The following OSBPL10 variants were observed in gnomAD, a reference collection of about 807,000 sequenced individuals.
OSBPL10 encodes the protein oxysterol-binding protein-related protein 10.
Under a neutral mutation model 81.7 loss-of-function variants are expected in OSBPL10, and 49 were observed. That is an observed-to-expected ratio of 0.60 (90% CI 0.48 to 0.76). The LOEUF (loss-of-function observed/expected upper bound fraction) is 0.76. Ranked by LOEUF, OSBPL10 falls within the 30% of genes least tolerant of loss-of-function variation. OSBPL10 has a pLI of 0.00. For synonymous variants in OSBPL10, 419 were observed against 383.6 expected (o/e 1.09, Z -1.08); for missense variants, 923 against 987.8 (o/e 0.93, Z 0.88).
At chr3:32,023,357 A>G (rs1382712450) in intron 2 of OSBPL10, among the ~76,000 whole-genome samples, 1 of 151,970 alleles carries the variant, frequency 6.6e-6, no homozygotes, top group East Asian at 1.9e-4. Context: ...CTGCCATGTA[A>G]GATGTCCGTG....
At chr3:32,023,799 T>C (rs1699379076) in intron 2 of OSBPL10, among the ~76,000 whole-genome samples, 1 of 152,242 alleles carries the variant, frequency 6.6e-6, no homozygotes. Context: ...TACAGAACCC[T>C]ATACATTCTA....
intron 3 of OSBPL10, among the ~76,000 whole-genome samples, chr3:31,837,209 T>C (rs1181735728): frequency 6.6e-6 from 1 of 151,794 alleles, no homozygotes; most frequent in Non-Finnish European, 1.5e-5. Flanking sequence ...CACATTTTTA[T>C]CTTTCTTCTT....
At chr3:31,841,289 A>T (rs990387711) in intron 3 of OSBPL10, among the ~76,000 whole-genome samples, 6 of 152,348 alleles carry the variant, frequency 3.9e-5, no homozygotes, top group Admixed American at 3.9e-4. Flanking sequence ...GGACTTGAGT[A>T]AACAGAGCCA....
At position 31,804,112 on chromosome 3, in the gene OSBPL10, C is replaced by G. The variant is rs116670243; in HGVS notation, c.729+25928G>C. Among the ~76,000 whole-genome samples the G allele has an allele frequency of 4.6e-3, 698 of 152,210 alleles. 3 individuals carry two copies. Among genetic ancestry groups the G allele is most frequent in the African/African-American group, 0.016 (664 of 41,544 alleles). ...AACAATCATTACTATGATGTTTGCT[C>G]AATGGTGATCTTTCATTTCCCTCAT... On this transcript the variant is annotated intron_variant, in intron 4 of 11. Transcript: ENST00000396556.
rs1246864079 is a variant in OSBPL10, at chr3:31,853,671, CA to C, written c.537+22761del. On this transcript the variant is annotated intron_variant, in intron 3 of 11. Coordinates refer to ENST00000396556, the MANE Select transcript of OSBPL10 (RefSeq NM_017784.5). ...TCATTTTCCTACTTATTATTATTCA[CA>C]CAGTTTTTCTTCTCTTCTTGGGCTG... Among the ~76,000 whole-genome samples, 4 of 152,312 alleles carry C rather than the reference CA, an allele frequency of 2.6e-5. No individual in the cohort carries two copies. In the East Asian group the frequency reaches 7.7e-4, roughly 29 times the overall value.
chr3:31,741,507 T>A (rs1320186722), intron 5 of OSBPL10, among the ~76,000 whole-genome samples: 1 of 152,192 alleles, frequency 6.6e-6, no homozygotes, highest in African/African-American at 2.4e-5. Context: ...TCGTGATCCA[T>A]CCACCTTGGC....
At chr3:31,759,126 G>A (rs1299860702) in intron 4 of OSBPL10, among the ~76,000 whole-genome samples, 2 of 152,082 alleles carry the variant, frequency 1.3e-5, no homozygotes, top group African/African-American at 4.8e-5. Flanking sequence ...ATGTAAACAT[G>A]TTGGTAACAA....
chr3:32,052,650 G>T (rs951127891), intron 1 of OSBPL10, among the ~76,000 whole-genome samples: 4 of 152,168 alleles, frequency 2.6e-5, no homozygotes, highest in Non-Finnish European at 5.9e-5. Flanking sequence ...CATGCCCTTT[G>T]CAGGGACATG....
At chr3:32,035,434 C>T (rs1054659645) in intron 2 of OSBPL10, among the ~76,000 whole-genome samples, 3 of 151,720 alleles carry the variant, frequency 2.0e-5, no homozygotes, top group East Asian at 1.9e-4. Flanking sequence ...TGGTGGTGCA[C>T]GCCTGTAATC....
At chr3:31,897,859 T>G (rs1696101188) in intron 1 of OSBPL10, among the ~76,000 whole-genome samples, 1 of 151,502 alleles carries the variant, frequency 6.6e-6, no homozygotes, top group Admixed American at 6.6e-5. Flanking sequence ...AATACAAAAA[T>G]TAGCTGGGCG....
intron 7 of OSBPL10, among the ~76,000 whole-genome samples, chr3:31,689,532 T>C (rs1246518440): frequency 6.6e-6 from 1 of 152,214 alleles, no homozygotes; most frequent in African/African-American, 2.4e-5. Context: ...ACATGTATGA[T>C]ATGGTTTGGC....
intron 3 of OSBPL10, among the ~76,000 whole-genome samples, chr3:31,848,806 C>A (rs1191262557): frequency 2.0e-5 from 3 of 152,212 alleles, no homozygotes; most frequent in African/African-American, 7.2e-5. Context: ...AGGAAAGGTA[C>A]ACCTTGTTTC....
chr3:31,731,059 A>AT (rs201002996), intron 6 of OSBPL10, among the ~76,000 whole-genome samples: 37 of 151,630 alleles, frequency 2.4e-4, no homozygotes, highest in Non-Finnish European at 2.9e-4. Flanking sequence ...CAACAGCAAC[A>AT]TTTTTTTTTC....
intron 4 of OSBPL10, among the ~76,000 whole-genome samples, chr3:31,818,537 C>A (rs1699905160): frequency 6.6e-6 from 1 of 152,236 alleles, no homozygotes; most frequent in African/African-American, 2.4e-5. Context: ...CATAGCAGTT[C>A]TCATGGCCTC....
chr3:31,888,633 A>G (rs1695806486), intron 1 of OSBPL10, among the ~76,000 whole-genome samples: 1 of 152,188 alleles, frequency 6.6e-6, no homozygotes, highest in African/African-American at 2.4e-5. Flanking sequence ...AAAACCACAA[A>G]TAATGGGCTG....
At chr3:31,691,344 A>C (rs1341387411) in intron 7 of OSBPL10, among the ~76,000 whole-genome samples, 1 of 152,160 alleles carries the variant, frequency 6.6e-6, no homozygotes, top group African/African-American at 2.4e-5. Context: ...ACTTGGAAGG[A>C]GGGACAGTCC....
chr3:31,719,519 C>T (rs1160657968), intron 6 of OSBPL10, among the ~76,000 whole-genome samples: 2 of 151,966 alleles, frequency 1.3e-5, no homozygotes, highest in Non-Finnish European at 2.9e-5. Context: ...AACAAGATAC[C>T]ATTAATCTTA....
At chr3:31,899,725 A>G (rs186613841) in intron 1 of OSBPL10, among the ~76,000 whole-genome samples, 1 of 152,282 alleles carries the variant, frequency 6.6e-6, no homozygotes, top group Admixed American at 6.5e-5. Flanking sequence ...TCATGCCAAT[A>G]ATCCCAGCAC....
chr3:31,909,982 C>T (rs193023445), intron 1 of OSBPL10, among the ~76,000 whole-genome samples: 8 of 129,286 alleles, frequency 6.2e-5, no homozygotes, highest in South Asian at 2.6e-4. Flanking sequence ...GTCTCCTGGC[C>T]TTTTTTTTTT....
Sources: gnomAD v4.1 joint callset for allele counts (sites outside exome capture counted in the v4.1 genomes callset) on GRCh38, gnomAD v4.1.1 for gene constraint, MANE v1.5 for transcripts, NCBI Gene and HGNC (gene_info 2026-07-23, HGNC 2026-07-21) for gene names.